CSMD1: variants seen among roughly 807,000 people sequenced by gnomAD.
CSMD1 encodes CUB and Sushi multiple domains 1, also known as CUB and sushi domain-containing protein 1.
A neutral mutation model predicts 417.5 loss-of-function variants in CSMD1; 213 were observed. The ratio of observed to expected loss-of-function variants is 0.51; its 90% CI spans 0.46 to 0.57. The LOEUF is 0.57. CSMD1 is among the 20% of genes least tolerant of loss of function. The pLI is 0.00. For missense variants in CSMD1, 6,923 were observed against 4,529.7 expected (o/e 1.53, Z -15.17); for synonymous variants, 2,862 against 1,736.8 (o/e 1.65, Z -16.11).
intron 5 of CSMD1, among the ~76,000 whole-genome samples, chr8:3,893,339 T>TTATATATG (rs1231999334): frequency 1.2e-5 from 1 of 80,440 alleles, no homozygotes; most frequent in Admixed American, 1.7e-4. Flanking sequence ...ATTCACAATT[T>TTATATATG]TATATATATA....
At chr8:3,534,332 G>A (rs1421221113) in intron 10 of CSMD1, among the ~76,000 whole-genome samples, 1 of 151,982 alleles carries the variant, frequency 6.6e-6, no homozygotes, top group African/African-American at 2.4e-5. Context: ...TTGGAGACCT[G>A]TTTTCCACAC....
At chr8:4,006,479 G>A (rs1017617677) in intron 4 of CSMD1, among the ~76,000 whole-genome samples, 2 of 152,174 alleles carry the variant, frequency 1.3e-5, no homozygotes, top group African/African-American at 4.8e-5. Flanking sequence ...GGGAGGCAGA[G>A]GTTGCAGTGA....
intron 46 of CSMD1, among the ~76,000 whole-genome samples, chr8:3,101,028 C>T (rs934686006): frequency 1.3e-5 from 2 of 150,184 alleles, no homozygotes; most frequent in African/African-American, 4.9e-5. Flanking sequence ...CACTGAATCT[C>T]CTTAATGTTC....
intron 3 of CSMD1, among the ~76,000 whole-genome samples, chr8:4,129,124 T>C (rs1398457675): frequency 3.9e-5 from 6 of 152,020 alleles, no homozygotes; most frequent in Non-Finnish European, 8.8e-5. Flanking sequence ...TTTATTGTTG[T>C]TGTTGCTTTT....
At chr8:2,945,102 T>C (rs1197248450) in intron 68 of CSMD1, among the ~76,000 whole-genome samples, 1 of 152,232 alleles carries the variant, frequency 6.6e-6, no homozygotes, top group East Asian at 1.9e-4. Flanking sequence ...TTGTGTTAAT[T>C]AAAATGGCAT....
intron 12 of CSMD1, among the ~76,000 whole-genome samples, chr8:3,432,868 A>G (rs1302083593): frequency 6.6e-6 from 1 of 152,152 alleles, no homozygotes; most frequent in East Asian, 1.9e-4. Flanking sequence ...CTGCTTAAAT[A>G]TAGTCATCAG....
intron 1 of CSMD1, among the ~76,000 whole-genome samples, chr8:4,837,756 A>T (rs1800585886): frequency 6.6e-6 from 1 of 152,192 alleles, no homozygotes; most frequent in South Asian, 2.1e-4. Context: ...AAAGAGTATA[A>T]CTACATTGTT....
In CSMD1 at chr8:4,350,901, G is replaced by C. The variant is rs963982643; in HGVS notation, c.415+69052C>G. Among the ~76,000 whole-genome samples the C allele has an allele frequency of 3.9e-5, 6 of 152,306 alleles. 1 individual carries two copies. Among genetic ancestry groups the C allele is most frequent in the South Asian group, 4.1e-4 (2 of 4,824 alleles). ...GGAGGGGAAAGGATGTGCATTCTAAGGTGGGCCGTGCTTACAGGACCGCCT... is the reference window on the plus strand; with the variant it reads ...GGAGGGGAAAGGATGTGCATTCTAACGTGGGCCGTGCTTACAGGACCGCCT... On this transcript the variant is annotated intron_variant, in intron 3 of 69. Coordinates refer to ENST00000635120, the MANE Select transcript of CSMD1 (RefSeq NM_033225.6).
At chr8:3,791,737 C>T (rs147729059) in intron 5 of CSMD1, among the ~76,000 whole-genome samples, 12 of 152,086 alleles carry the variant, frequency 7.9e-5, no homozygotes, top group African/African-American at 2.4e-4. Context: ...GCAAGAGAAT[C>T]GCTTGAGCCT....
chr8:3,644,477 G>C (rs547918230), intron 7 of CSMD1, among the ~76,000 whole-genome samples: 1 of 152,314 alleles, frequency 6.6e-6, no homozygotes, highest in East Asian at 1.9e-4. Context: ...GTGCTCCTTG[G>C]ACATCAAGGC....
At chr8:4,992,504 G>A (rs1163573608) in intron 1 of CSMD1, among the ~76,000 whole-genome samples, 1 of 152,174 alleles carries the variant, frequency 6.6e-6, no homozygotes, top group Non-Finnish European at 1.5e-5. Context: ...AAGTTTTGCG[G>A]AGTTGCGTGG....
At chr8:4,466,682 G>T (rs371270020) in intron 2 of CSMD1, among the ~76,000 whole-genome samples, 10 of 152,076 alleles carry the variant, frequency 6.6e-5, no homozygotes, top group Admixed American at 5.2e-4. Flanking sequence ...GTTGGGATAT[G>T]TTCTCCAGTC....
intron 18 of CSMD1, among the ~76,000 whole-genome samples, chr8:3,369,716 C>G (rs777936535): frequency 2.0e-5 from 3 of 152,172 alleles, no homozygotes; most frequent in Non-Finnish European, 4.4e-5. Flanking sequence ...GTTCAAATCC[C>G]CTCAACAAAC....
chr8:4,769,513 C>T (rs1047945246), intron 1 of CSMD1, among the ~76,000 whole-genome samples: 7 of 152,096 alleles, frequency 4.6e-5, no homozygotes, highest in African/African-American at 4.8e-5. Flanking sequence ...TTATGAAATA[C>T]TTAGAATATT....
At chr8:4,190,788 G>T (rs1333481193) in intron 3 of CSMD1, among the ~76,000 whole-genome samples, 3 of 152,098 alleles carry the variant, frequency 2.0e-5, no homozygotes, top group African/African-American at 4.8e-5. Context: ...ATGAGAGCAT[G>T]TCCTCTGCAG....
intron 39 of CSMD1, among the ~76,000 whole-genome samples, chr8:3,153,925 G>A (rs567997250): frequency 7.9e-5 from 12 of 152,296 alleles, no homozygotes; most frequent in East Asian, 1.9e-4. Flanking sequence ...ATAGATAAGC[G>A]TAAAAACAGA....
At chr8:4,208,604 A>C (rs971318190) in intron 3 of CSMD1, among the ~76,000 whole-genome samples, 1 of 152,216 alleles carries the variant, frequency 6.6e-6, no homozygotes, top group African/African-American at 2.4e-5. Flanking sequence ...TAATGTTAAG[A>C]AAATGAATAT....
At chr8:4,438,552 C>G (rs1274466970) in intron 2 of CSMD1, among the ~76,000 whole-genome samples, 4 of 152,192 alleles carry the variant, frequency 2.6e-5, no homozygotes, top group Non-Finnish European at 5.9e-5. Context: ...TACTTTCCAT[C>G]TCTAAGCTGA....
At chr8:3,475,848 G>C (rs772969923) in intron 11 of CSMD1, among the ~76,000 whole-genome samples, 3 of 152,210 alleles carry the variant, frequency 2.0e-5, no homozygotes, top group Non-Finnish European at 2.9e-5. Context: ...TTAACTCTTT[G>C]AGAGTGTAAC....
Sources: gnomAD v4.1 joint callset for allele counts (sites outside exome capture counted in the v4.1 genomes callset) on GRCh38, gnomAD v4.1.1 for gene constraint, MANE v1.5 for transcripts, NCBI Gene and HGNC (gene_info 2026-07-23, HGNC 2026-07-21) for gene names.